TP53BP1: variants seen among roughly 807,000 people sequenced by gnomAD.
TP53BP1 encodes tumor protein p53 binding protein 1, also known as TP53-binding protein 1.
A neutral mutation model predicts 200.8 loss-of-function variants in TP53BP1; 61 were observed. That is an observed-to-expected ratio of 0.30 (90% CI 0.25 to 0.38). The LOEUF is 0.38. TP53BP1 is among the 10% of genes least tolerant of loss of function. TP53BP1 has a pLI of 1.00. For synonymous variants in TP53BP1, 822 were observed against 844.3 expected, an observed-to-expected ratio of 0.97 and a Z score of 0.46; for missense variants, 2,144 against 2,371.9, an observed-to-expected ratio of 0.90 and a Z score of 2.00.
upstream of TP53BP1, among the ~76,000 whole-genome samples, chr15:43,496,917 A>G (rs1250735906): frequency 6.6e-6 from 1 of 152,114 alleles, no homozygotes; most frequent in Non-Finnish European, 1.5e-5. Context: ...CATAGTGCCC[A>G]GCCTCTCCCC....
chr15:43,432,778 G>C (rs2045702508), intron 16 of TP53BP1, 101 bp from the exon 17 acceptor site: 1 of 1,301,252 alleles, frequency 7.7e-7, no homozygotes. Context: ...CAAGGGGGGA[G>C]CCATATTTTG....
At chr15:43,481,101 AT>A (rs1367025297) in intron 4 of TP53BP1, 79 bp from the exon 5 acceptor site, 1 of 1,544,504 alleles carries the variant, frequency 6.5e-7, no homozygotes, top group African/African-American at 1.4e-5. Context: ...CCCCCAACAC[AT>A]ACCAACCATC....
At chr15:43,428,267 GAAT>G in intron 17 of TP53BP1, 99 bp from the exon 18 acceptor site, 1 of 1,039,876 alleles carries the variant, frequency 9.6e-7, no homozygotes, top group Admixed American at 2.2e-5. Flanking sequence ...GAGGCTCCAT[GAAT>G]CTAGTGTGAC....
At position 43,479,903 on chromosome 15, in the gene TP53BP1, G is replaced by A; in HGVS notation, c.614C>T (p.Thr205Ile). 1.9e-6 allele frequency: 3 copies of A among 1,614,162 alleles called. No homozygotes were observed. Among genetic ancestry groups the A allele is most frequent in the South Asian group, 1.1e-5 (1 of 91,074 alleles). ...VDKEQLQSVT[T>I]NSGYTRLSDV... ...AGACAGCCTGGTATAACCAGAGTTG[G>A]TGGTTACTGATTGTAGCTGCTCTTT... The change falls in exon 6 of 28, where the codon ACC becomes ATC. Residue 205 changes from threonine (T) to isoleucine (I), a missense_variant. Thr to Ile is a moderately conservative substitution (Grantham distance 89, BLOSUM62 -1). Transcript: ENST00000382044.
intron 4 of TP53BP1, among the ~76,000 whole-genome samples, chr15:43,486,147 G>A (rs539424009): frequency 1.2e-4 from 18 of 151,926 alleles, no homozygotes; most frequent in African/African-American, 4.3e-4. Flanking sequence ...GAGGCTGAGG[G>A]GGGTGGATCA....
In TP53BP1 at chr15:43,418,603, TCAA is replaced by T. The variant is rs1288086480; in HGVS notation, c.4681+1699_4681+1701del. 2.6e-5 allele frequency among the ~76,000 whole-genome samples: 4 copies of T among 151,824 alleles called. No individual in the cohort carries two copies. In the East Asian group the frequency reaches 7.7e-4, roughly 29 times the overall value. On this transcript the variant is annotated intron_variant, in intron 21 of 27. Transcript: ENST00000382044. Reference sequence around the variant, plus strand: ...AGAAAGATGTTTTTAAATGACAAACTCAACACAAATAGGTATCTTCAAATTATT... The same window carrying T: ...AGAAAGATGTTTTTAAATGACAAACTCACAAATAGGTATCTTCAAATTATT...
intron 10 of TP53BP1, among the ~76,000 whole-genome samples, chr15:43,471,925 T>C (rs2046735482): frequency 6.6e-6 from 1 of 152,232 alleles, no homozygotes; most frequent in African/African-American, 2.4e-5. Context: ...TTGATATTAG[T>C]CAATTTGGAT....
chr15:43,471,219 ACT>A lies in TP53BP1; in HGVS notation c.1181-1155_1181-1154del, dbSNP rs1454820167. 3.3e-5 allele frequency among the ~76,000 whole-genome samples: 5 copies of A among 152,096 alleles called. No individual in the cohort carries two copies. The East Asian group carries it at 7.7e-4, about 24-fold the overall frequency. On this transcript the variant is annotated intron_variant, in intron 10 of 27. Coordinates refer to ENST00000382044, the MANE Select transcript of TP53BP1 (RefSeq NM_001141980.3). The stretch of plus-strand genomic sequence containing the variant: ...AAATATAACTGACAAGGGAAAATAC[ACT>A]GTTACATAAAAAAAAAAAACTGAGT...
At position 43,476,019 on chromosome 15, in the gene TP53BP1, C is replaced by G. The variant is rs45534034; in HGVS notation, c.956-325G>C. 2.0e-3 allele frequency among the ~76,000 whole-genome samples: 304 copies of G among 152,288 alleles called. 3 individuals are homozygous for G. Among genetic ancestry groups the G allele is most frequent in the Admixed American group, 0.018 (278 of 15,300 alleles). On this transcript the variant is annotated intron_variant, in intron 8 of 27. Coordinates refer to ENST00000382044, the MANE Select transcript of TP53BP1 (RefSeq NM_001141980.3). ...GTGGCTCACACCTGTAATCCTAGCA[C>G]TTTGGGAGGCTGAGGCGGGTGGATC... is the stretch of plus-strand genomic sequence containing the variant.
chr15:43,468,298 A>T (rs1399214488), intron 11 of TP53BP1, among the ~76,000 whole-genome samples: 3 of 152,118 alleles, frequency 2.0e-5, no homozygotes, highest in Non-Finnish European at 4.4e-5. Flanking sequence ...TAATCTCAAC[A>T]CACTGGGAGG....
intron 25 of TP53BP1, 59 bp downstream of exon 25, chr15:43,409,588 C>G (rs1271263581): frequency 3.1e-6 from 3 of 976,860 alleles, no homozygotes; most frequent in Non-Finnish European, 4.5e-6. Flanking sequence ...CTCTTCTCAA[C>G]ACAGCAAGTT....
Position 43,405,066 on chromosome 15 carries a change from G to T in TP53BP1, c.*2317C>A. The T allele has an allele frequency of 1.0e-6, 1 of 961,150 alleles. No homozygotes were observed. The highest frequency in any genetic ancestry group is 1.6e-6 in the Non-Finnish European group (1 of 633,580). The allele number at this position is 961,150 out of a possible 1,614,324, so 59.5% of individuals were successfully genotyped here. ...CAAGCAGATTTTTTTCTAAGCTATT[G>T]TAGCAGAAGAGTCAAAAGAAACTCT... On this transcript the variant is annotated 3_prime_UTR_variant, in exon 28 of 28. Transcript: ENST00000382044.
At position 43,408,883 on chromosome 15, in the gene TP53BP1, C is replaced by T. The variant is rs1196961638; in HGVS notation, c.5600+14G>A. Reference sequence around the variant, plus strand: ...TCCTGCCTATACAATTCTGGATGGGCTTCAAATACTTACCAGTCCAGAATT... The same window carrying T: ...TCCTGCCTATACAATTCTGGATGGGTTTCAAATACTTACCAGTCCAGAATT... On this transcript the variant is annotated intron_variant, in intron 26 of 27. Coordinates refer to ENST00000382044, the MANE Select transcript of TP53BP1 (RefSeq NM_001141980.3). 1 of 1,613,512 alleles carries T rather than the reference C, an allele frequency of 6.2e-7. No individual in the cohort carries two copies. The highest frequency in any genetic ancestry group is 1.3e-5 in the African/African-American group (1 of 74,890).
intron 18 of TP53BP1, among the ~76,000 whole-genome samples, chr15:43,425,921 C>T (rs925791103): frequency 7.2e-5 from 11 of 151,788 alleles, no homozygotes; most frequent in South Asian, 2.1e-4. Context: ...AAAAATTAGC[C>T]GGGCGCGGTG....
upstream of TP53BP1, chr15:43,493,236 T>C: frequency 6.9e-7 from 1 of 1,455,940 alleles, no homozygotes; most frequent in South Asian, 1.4e-5. Context: ...CCGTGGATGA[T>C]AGGTAGCTGC....
intron 10 of TP53BP1, 132 bp downstream of exon 10, chr15:43,474,541 C>A: frequency 1.9e-6 from 1 of 516,910 alleles, no homozygotes; most frequent in South Asian, 3.1e-5. Flanking sequence ...AAAGGTTAGA[C>A]AAACATGAGT....
chr15:43,425,447 C>T (rs1193526317), intron 18 of TP53BP1, among the ~76,000 whole-genome samples: 1 of 152,126 alleles, frequency 6.6e-6, no homozygotes, highest in African/African-American at 2.4e-5. Flanking sequence ...CACAGTGAAA[C>T]CCCATCTCTA....
In TP53BP1 at chr15:43,480,958, G is replaced by T; in HGVS notation, c.436C>A (p.Gln146Lys). The T allele has an allele frequency of 1.2e-6, 2 of 1,613,988 alleles. No homozygotes were observed. The highest frequency in any genetic ancestry group is 1.7e-6 in the Non-Finnish European group (2 of 1,179,920). Reference protein sequence around the residue: ...VEEEKGEELEQKEKEKEEDTS... With the variant: ...VEEEKGEELEKKEKEKEEDTS... ...TCTTCTTCCTTCTCTTTCTCCTTCT[G>T]TTCCAACTCTTCTCCCTTCTCTTCC... Residue 146 changes from glutamine to lysine, a missense_variant, in exon 5 of 28, where the codon CAG becomes AAG. Around this residue, in one of 4 missense-constraint regions of TP53BP1, gnomAD observed 1,700 missense variants for 1,710.3 expected, o/e 0.99. Transcript: ENST00000382044.
Position 43,456,031 on chromosome 15 carries a change from T to C in TP53BP1, c.2577A>G (p.Gln859=), listed in dbSNP as rs768418938. The part of the protein sequence containing the change: ...LRLDQELQQP[Q]TQEKTSNSLT... ...ATGAATTACTTGTTTTCTCCTGAGT[T>C]TGGGGCTGCTGCAACTCCTGGTCAA... Residue 859 remains glutamine, a synonymous_variant, in exon 12 of 28, where the codon CAA becomes CAG. Coordinates refer to ENST00000382044, the MANE Select transcript of TP53BP1 (RefSeq NM_001141980.3). 2 of 1,614,218 alleles carry C rather than the reference T, an allele frequency of 1.2e-6. No homozygotes were observed. Among genetic ancestry groups the C allele is most frequent in the South Asian group, 2.2e-5 (2 of 91,074 alleles).
Sources: allele counts gnomAD v4.1 joint callset (sites outside exome capture counted in the v4.1 genomes callset), GRCh38; gene constraint gnomAD v4.1.1; regional missense constraint gnomAD v4.1.1; transcripts MANE v1.5; gene names NCBI Gene and HGNC (gene_info 2026-07-23, HGNC 2026-07-21).